POSTN: variants seen among roughly 807,000 people sequenced by gnomAD.
The protein encoded by POSTN is osteoblast specific factor 2 (fasciclin I-like).
POSTN carries 71 observed loss-of-function variants against 104.5 expected under a neutral mutation model. The observed-to-expected ratio is 0.68, with a 90% CI of 0.56 to 0.83. The LOEUF (loss-of-function observed/expected upper bound fraction) is 0.83, where lower values mean the gene tolerates loss of function less well. Ranked by LOEUF, POSTN falls within the 40% of genes least tolerant of loss-of-function variation. The probability of loss-of-function intolerance (pLI) is 0.00; values close to 1 mark genes in which losing one functional copy is unlikely to be tolerated. For missense variants in POSTN, 949 were observed against 1,006.8 expected (o/e 0.94, Z 0.78); for synonymous variants, 355 against 340.7 (o/e 1.04, Z -0.46).
intron 19 of POSTN, 22 bp from the exon 20 acceptor site, chr13:37,569,843 A>T (rs1950214491): frequency 6.5e-7 from 1 of 1,531,542 alleles, no homozygotes; most frequent in Non-Finnish European, 9.0e-7. Flanking sequence ...ACAATGAAAA[A>T]GGTCTAAAAC....
At position 37,586,240 on chromosome 13, in the gene POSTN, C is replaced by T; in HGVS notation, c.794G>A (p.Arg265Lys). ...ITSDILEALG[R>K]DGHFTLFAPT... ...AGCAAAGAGTGTGAAGTGACCGTCT[C>T]TTCCAAGGGCCTCCAATATGTCCGA... Residue 265 changes from arginine to lysine, a missense_variant, in exon 7 of 23, where the codon AGA becomes AAA. Coordinates refer to ENST00000379747, the MANE Select transcript of POSTN (RefSeq NM_006475.3). The T allele has an allele frequency of 6.2e-7, 1 of 1,613,592 alleles. No individual in the cohort carries two copies. The highest frequency in any genetic ancestry group is 8.5e-7 in the Non-Finnish European group (1 of 1,179,710).
At chr13:37,577,192 A>G (rs1566017710) in intron 16 of POSTN, among the ~76,000 whole-genome samples, 1 of 152,176 alleles carries the variant, frequency 6.6e-6, no homozygotes, top group African/African-American at 2.4e-5. Flanking sequence ...AATTTTGATA[A>G]TCTGGTTGTG....
At chr13:37,567,336 A>G (rs1424844975) in intron 21 of POSTN, among the ~76,000 whole-genome samples, 1 of 151,382 alleles carries the variant, frequency 6.6e-6, no homozygotes, top group Non-Finnish European at 1.5e-5. Flanking sequence ...TGAGTTGAAG[A>G]GCATGGTTCA....
intron 18 of POSTN, 80 bp from the exon 19 acceptor site, chr13:37,570,749 TTAAC>T (rs1950239826): frequency 4.6e-6 from 4 of 861,398 alleles, no homozygotes; most frequent in South Asian, 1.5e-5. Context: ...ATTGTAATGA[TTAAC>T]TATATTTCTA....
At chr13:37,578,526 G>A (rs772094593) in intron 15 of POSTN, among the ~76,000 whole-genome samples, 21 of 152,016 alleles carry the variant, frequency 1.4e-4, no homozygotes, top group Non-Finnish European at 1.5e-4. Context: ...GGCTAGGCGC[G>A]GTGGCTCACG....
At position 37,587,479 on chromosome 13, in the gene POSTN, C is replaced by T. The variant is rs540429722; in HGVS notation, c.606+343G>A. Reference sequence around the variant, plus strand: ...AAACACACAAGTACTTCAGTTAGTACAGTAGCTAGAGGGGGAGTAAAAGAA... The same window carrying T: ...AAACACACAAGTACTTCAGTTAGTATAGTAGCTAGAGGGGGAGTAAAAGAA... On this transcript the variant is annotated intron_variant, in intron 5 of 22. Transcript: ENST00000379747. Among the ~76,000 whole-genome samples, 4 of 152,278 alleles carry T rather than the reference C, an allele frequency of 2.6e-5. No individual in the cohort carries two copies. The South Asian group carries it at 6.2e-4, about 24-fold the overall frequency.
chr13:37,572,470 C>T (rs996257619), intron 17 of POSTN, among the ~76,000 whole-genome samples: 4 of 151,362 alleles, frequency 2.6e-5, no homozygotes, highest in Admixed American at 1.3e-4. Flanking sequence ...TTTTAAGGTG[C>T]GGTAACTTCA....
At chr13:37,587,702 A>G in intron 5 of POSTN, 120 bp downstream of exon 5, 1 of 807,374 alleles carries the variant, frequency 1.2e-6, no homozygotes, top group Non-Finnish European at 1.9e-6. Context: ...TAAAGTCATA[A>G]TATAGCACTT....
intron 16 of POSTN, among the ~76,000 whole-genome samples, chr13:37,577,112 G>C (rs1461001129): frequency 6.6e-6 from 1 of 152,072 alleles, no homozygotes; most frequent in African/African-American, 2.4e-5. Context: ...AGCCATGATG[G>C]AAAAGATATA....
chr13:37,578,442 C>T (rs75365780), intron 15 of POSTN, among the ~76,000 whole-genome samples: 2,793 of 152,152 alleles, frequency 0.018, 54 homozygotes, highest in Non-Finnish European at 0.026. Flanking sequence ...CTTATTAATG[C>T]GTACATTTCT....
At chr13:37,567,234 T>C (rs1235938907) in intron 21 of POSTN, among the ~76,000 whole-genome samples, 1 of 13,234 alleles carries the variant, frequency 7.6e-5, no homozygotes, top group Non-Finnish European at 1.2e-4. Flanking sequence ...AGACTCCGTC[T>C]CAAAAAAAAA....
chr13:37,587,326 A>G (rs916075412), intron 5 of POSTN, among the ~76,000 whole-genome samples: 1 of 152,214 alleles, frequency 6.6e-6, no homozygotes, highest in African/African-American at 2.4e-5. Flanking sequence ...TTGTATAGAT[A>G]TAATTAGTTA....
rs775836239 is a variant in POSTN at position 37,598,756 on chromosome 13, G to A, written c.-30C>T. ...AGTCTCTCCGTTGCAGTTAGTCCCC[G>A]AAGAGAACTGGCAGTGGGCTTTGGA... is the stretch of plus-strand genomic sequence containing the variant. On this transcript the variant is annotated 5_prime_UTR_variant, in exon 1 of 23. Coordinates refer to ENST00000379747, the MANE Select transcript of POSTN (RefSeq NM_006475.3). The A allele has an allele frequency of 6.5e-5, 104 of 1,609,060 alleles. No individual in the cohort carries two copies. The highest frequency in any genetic ancestry group is 8.4e-5 in the Non-Finnish European group (99 of 1,176,750).
At chr13:37,569,169 A>G in intron 21 of POSTN, 131 bp downstream of exon 21, 1 of 618,518 alleles carries the variant, frequency 1.6e-6, no homozygotes, top group African/African-American at 1.9e-5. Flanking sequence ...CCATCTATTA[A>G]GACAACAGTG....
intron 18 of POSTN, 35 bp from the exon 19 acceptor site, chr13:37,570,704 C>G (rs1411640626): frequency 7.6e-7 from 1 of 1,316,886 alleles, no homozygotes; most frequent in South Asian, 1.2e-5. Flanking sequence ...ATTTGATTTA[C>G]CCTCATATTG....
rs1950198762 is a variant in POSTN at position 37,569,390 on chromosome 13, G to A, written c.2348-7C>T. The A allele has an allele frequency of 1.2e-6, 2 of 1,601,912 alleles. No individual in the cohort carries two copies. The highest frequency in any genetic ancestry group is 1.3e-5 in the African/African-American group (1 of 74,542). On this transcript the variant is annotated splice_region_variant and splice_polypyrimidine_tract_variant and intron_variant, in intron 20 of 22. Transcript: ENST00000379747. ...TTGGTGACCTTGGTGACCTCTGAGA[G>A]GATACATGTTTATAGCAGAAATTGG...
At chr13:37,580,437 A>G (rs750854410) in intron 11 of POSTN, 124 bp downstream of exon 11, 49 of 1,093,042 alleles carry the variant, frequency 4.5e-5, no homozygotes, top group Non-Finnish European at 5.8e-5. Context: ...ACTTGTATGA[A>G]CATTTTATTC....
Position 37,592,182 on chromosome 13 carries a change from A to T in POSTN, c.219-18T>A. The T allele has an allele frequency of 7.1e-7, 1 of 1,412,110 alleles. No individual in the cohort carries two copies. Among genetic ancestry groups the T allele is most frequent in the Non-Finnish European group, 9.8e-7 (1 of 1,020,212 alleles). 87.5% of individuals were successfully genotyped at this position (1,412,110 alleles called of 1,614,324 possible). A position where few individuals can be genotyped will look rare whatever the true frequency, so the allele number is the denominator to read the frequency against. ...ACACAGTCCTGTACATAGGAAGAAA[A>T]TTAATATTAAAATGAGAAACTAAAT... is the stretch of plus-strand genomic sequence containing the variant. On this transcript the variant is annotated intron_variant, in intron 2 of 22. Transcript: ENST00000379747.
chr13:37,588,010 A>T, intron 4 of POSTN, 24 bp from the exon 5 acceptor site: 1 of 1,547,172 alleles, frequency 6.5e-7, no homozygotes, highest in Non-Finnish European at 8.9e-7. Context: ...CAATGATAGA[A>T]ATTCAATTTA....
Sources: allele counts gnomAD v4.1 joint callset (sites outside exome capture counted in the v4.1 genomes callset), GRCh38; gene constraint gnomAD v4.1.1; transcripts MANE v1.5; gene names NCBI Gene and HGNC (gene_info 2026-07-23, HGNC 2026-07-21).